ATP1A4: variants seen among roughly 807,000 people sequenced by gnomAD.
ATP1A4 encodes the protein ATPase Na+/K+ transporting subunit alpha 4.
Under a neutral mutation model 114.3 loss-of-function variants are expected in ATP1A4, and 90 were observed. That is an observed-to-expected ratio of 0.79 (90% CI 0.66 to 0.94). ATP1A4 has a LOEUF of 0.94. ATP1A4 is among the 40% of genes least tolerant of loss of function. The probability of loss-of-function intolerance (pLI) is 0.00; values close to 1 mark genes in which losing one functional copy is unlikely to be tolerated. For synonymous variants in ATP1A4, 511 were observed against 494.1 expected, an observed-to-expected ratio of 1.03 and a Z score of -0.45; for missense variants, 1,222 against 1,313.6, an observed-to-expected ratio of 0.93 and a Z score of 1.08.
At chr1:160,181,662 C>G (rs748039615) in intron 18 of ATP1A4, 22 bp from the exon 19 acceptor site, 4 of 1,613,686 alleles carry the variant, frequency 2.5e-6, no homozygotes, top group Middle Eastern at 1.7e-4. Flanking sequence ...GACACTGTTT[C>G]CTCTCTCCCT....
chr1:160,161,649 G>A (rs1345136948), intron 6 of ATP1A4, among the ~76,000 whole-genome samples: 2 of 152,142 alleles, frequency 1.3e-5, no homozygotes, highest in African/African-American at 4.8e-5. Context: ...GCCCAAAATA[G>A]GAAACTCCTC....
intron 12 of ATP1A4, 142 bp from the exon 13 acceptor site, chr1:160,173,439 G>C (rs753628798): frequency 1.4e-4 from 170 of 1,199,014 alleles, no homozygotes; most frequent in Non-Finnish European, 1.9e-4. Flanking sequence ...ATGGTTTTTG[G>C]TCTACACCAC....
intron 7 of ATP1A4, 75 bp from the exon 8 acceptor site, chr1:160,166,453 T>C: frequency 1.3e-6 from 2 of 1,544,368 alleles, no homozygotes; most frequent in Non-Finnish European, 1.8e-6. Context: ...TTAAAAATGA[T>C]CAAATATCCA....
rs746317383 is a variant in ATP1A4 at position 160,171,356 on chromosome 1, C to A, written c.1597C>A (p.Gln533Lys). 1 of 1,614,104 alleles carries A rather than the reference C, an allele frequency of 6.2e-7. No homozygotes were observed. Among genetic ancestry groups the A allele is most frequent in the Non-Finnish European group, 8.5e-7 (1 of 1,180,026 alleles). Residue 533 changes from glutamine to lysine, a missense_variant, in exon 11 of 22, where the codon CAG (glutamine) becomes AAG (lysine). By Grantham distance (53) the Gln-to-Lys change is moderately conservative. Coordinates refer to ENST00000368081, the MANE Select transcript of ATP1A4 (RefSeq NM_144699.4). ...EFCSTFLLNG[Q>K]EYSMNDEMKE... The stretch of plus-strand genomic sequence containing the variant: ...TTGTTCTACCTTTCTTCTGAATGGG[C>A]AGGAGTACTCAATGAACGATGAAAT...
chr1:160,164,115 A>G (rs1276598769), intron 6 of ATP1A4, 41 bp from the exon 7 acceptor site: 1 of 1,601,672 alleles, frequency 6.2e-7, no homozygotes, highest in Admixed American at 1.7e-5. Context: ...ACTTCTTATC[A>G]TATCACAACA....
rs1240782470 is a variant in ATP1A4 at position 160,171,389 on chromosome 1, G to A, written c.1630G>A (p.Ala544Thr). 10 of 1,614,038 alleles carry A rather than the reference G, an allele frequency of 6.2e-6. No individual in the cohort carries two copies. Among genetic ancestry groups the A allele is most frequent in the Non-Finnish European group, 8.5e-6 (10 of 1,180,028 alleles). Residue 544 changes from alanine to threonine, a missense_variant, in exon 11 of 22, where the codon GCC becomes ACC. Transcript: ENST00000368081. The part of the protein sequence containing the change: ...EYSMNDEMKE[A>T]FQNAYLELGG... ...CTCAATGAACGATGAAATGAAGGAA[G>A]CCTTCCAAAATGCCTACTTAGAACT...
intron 10 of ATP1A4, among the ~76,000 whole-genome samples, chr1:160,169,172 C>T (rs1385121896): frequency 6.6e-6 from 1 of 152,246 alleles, no homozygotes; most frequent in African/African-American, 2.4e-5. Flanking sequence ...AGTTTGCTGC[C>T]TTCCTTAGCT....
chr1:160,175,696 G>A (rs370109819), intron 15 of ATP1A4, among the ~76,000 whole-genome samples: 1 of 152,004 alleles, frequency 6.6e-6, no homozygotes, highest in East Asian at 1.9e-4. Context: ...ACGGAGGTGA[G>A]GGTGCCCAAG....
At position 160,164,186 on chromosome 1, in the gene ATP1A4, G is replaced by A. The variant is rs771519261; in HGVS notation, c.809G>A (p.Gly270Glu). ...GCCCGGGGTATTGTGATTGCTACGG[G>A]AGACTCCACAGTGATGGGCAGAATT... ...GTARGIVIAT[G>E]DSTVMGRIAS... Residue 270 changes from glycine to glutamate, a missense_variant, in exon 7 of 22, where the codon GGA (glycine) becomes GAA (glutamate). Transcript: ENST00000368081. 6.8e-6 allele frequency: 11 copies of A among 1,614,078 alleles called. No homozygotes were observed. The highest frequency in any genetic ancestry group is 1.1e-5 in the South Asian group (1 of 91,088).
rs1652598639 is a variant in ATP1A4, at chr1:160,155,134, A to T, written c.297A>T (p.Lys99Asn). ...TPPPTTPEWV[K>N]FCKQLFGGFS... ...CCCCCACCACTCCAGAATGGGTCAA[A>T]TTCTGTAAGCAACTGTTCGGAGGCT... Residue 99 changes from lysine to asparagine, a missense_variant, in exon 3 of 22, where the codon AAA becomes AAT. Transcript: ENST00000368081. 1.9e-6 allele frequency: 3 copies of T among 1,613,902 alleles called. No homozygotes were observed. Among genetic ancestry groups the T allele is most frequent in the Non-Finnish European group, 2.5e-6 (3 of 1,179,940 alleles).
chr1:160,171,062 C>G (rs1653235682), intron 10 of ATP1A4, 189 bp from the exon 11 acceptor site: 2 of 521,684 alleles, frequency 3.8e-6, no homozygotes. Flanking sequence ...TAATACCAGG[C>G]TGCAGTTTTC....
rs1219923515 is a variant in ATP1A4, at chr1:160,180,775, CAT to C, written c.2737-908_2737-907del. On this transcript the variant is annotated intron_variant, in intron 18 of 21. Transcript: ENST00000368081. Reference sequence around the variant, plus strand: ...TGTCGCCCAGGCTGGAGTGCAGTGGCATGATCTCGGCTCACTACAAGCTCCGC... The same window carrying C: ...TGTCGCCCAGGCTGGAGTGCAGTGGCGATCTCGGCTCACTACAAGCTCCGC... Among the ~76,000 whole-genome samples, 3 of 44,436 alleles carry C rather than the reference CAT, an allele frequency of 6.8e-5. 1 individual carries two copies. Among genetic ancestry groups the C allele is most frequent in the South Asian group, 1.3e-3 (2 of 1,526 alleles). 29.2% of individuals were successfully genotyped at this position (44,436 alleles called of 152,430 possible). A position where few individuals can be genotyped will look rare whatever the true frequency, so the allele number is the denominator to read the frequency against.
intron 6 of ATP1A4, among the ~76,000 whole-genome samples, chr1:160,160,784 TAAAG>T (rs1383432208): frequency 6.6e-6 from 1 of 152,030 alleles, no homozygotes; most frequent in Non-Finnish European, 1.5e-5. Flanking sequence ...GAAAATACCT[TAAAG>T]AAGAAGCGTA....
chr1:160,153,329 A>G (rs1461895300), intron 2 of ATP1A4, 105 bp downstream of exon 2: 17 of 993,232 alleles, frequency 1.7e-5, no homozygotes, highest in Admixed American at 3.9e-5. Context: ...TTCAAGTCCA[A>G]CGTTCCCACC....
intron 13 of ATP1A4, among the ~76,000 whole-genome samples, 166 bp from the exon 14 acceptor site, chr1:160,173,945 T>C (rs1284933014): frequency 6.6e-6 from 1 of 151,832 alleles, no homozygotes; most frequent in Non-Finnish European, 1.5e-5. Flanking sequence ...GGCAAAAGTG[T>C]GGGGAGGGAA....
At chr1:160,173,501 G>C in intron 12 of ATP1A4, 80 bp from the exon 13 acceptor site, 1 of 1,557,700 alleles carries the variant, frequency 6.4e-7, no homozygotes, top group Non-Finnish European at 8.8e-7. Context: ...GCAGTGGTCT[G>C]TCAGTTCTCA....
chr1:160,157,218 T>C (rs1477423104), intron 4 of ATP1A4, among the ~76,000 whole-genome samples: 1 of 134,372 alleles, frequency 7.4e-6, no homozygotes, highest in Non-Finnish European at 1.7e-5. Flanking sequence ...CGGGGATACA[T>C]GTGCAGGTTT....
At chr1:160,166,201 T>C (rs112523414) in intron 7 of ATP1A4, among the ~76,000 whole-genome samples, 111 of 152,276 alleles carry the variant, frequency 7.3e-4, no homozygotes, top group African/African-American at 2.5e-3. Flanking sequence ...ACCTGGGGGA[T>C]GGAGGTTGCA....
Position 160,171,308 on chromosome 1 carries a change from G to T in ATP1A4, c.1549G>T (p.Ala517Ser). 1 of 1,614,100 alleles carries T rather than the reference G, an allele frequency of 6.2e-7. No homozygotes were observed. Among genetic ancestry groups the T allele is most frequent in the Non-Finnish European group, 8.5e-7 (1 of 1,179,988 alleles). The change falls in exon 11 of 22, where the codon GCT (alanine) becomes TCT (serine). Residue 517 changes from alanine (A) to serine (S), a missense_variant. Ala to Ser is a moderately conservative substitution (Grantham distance 99, BLOSUM62 1). Transcript: ENST00000368081. Reference protein sequence around the residue: ...SQTHVLMMKGAPERILEFCST... With the variant: ...SQTHVLMMKGSPERILEFCST... ...GACCCACGTACTGATGATGAAGGGTGCTCCGGAGAGGATCTTGGAGTTTTG... is the reference window on the plus strand; with the variant it reads ...GACCCACGTACTGATGATGAAGGGTTCTCCGGAGAGGATCTTGGAGTTTTG...
Sources: allele counts gnomAD v4.1 joint callset (sites outside exome capture counted in the v4.1 genomes callset), GRCh38; gene constraint gnomAD v4.1.1; transcripts MANE v1.5; gene names NCBI Gene and HGNC (gene_info 2026-07-23, HGNC 2026-07-21).